The following TBC1D31 variants were observed in gnomAD, a reference collection of about 807,000 sequenced individuals.
TBC1D31 encodes the protein WD repeat domain 67.
Under a neutral mutation model 132.9 loss-of-function variants are expected in TBC1D31, and 99 were observed. That is an observed-to-expected ratio of 0.74 (90% CI 0.63 to 0.88). TBC1D31 has a LOEUF of 0.88. Among genes scored for constraint, TBC1D31 ranks in the 40% least tolerant of loss-of-function variants. The pLI is 0.00. For synonymous variants in TBC1D31, 385 were observed against 419.4 expected (o/e 0.92, Z 1.00); for missense variants, 1,134 against 1,256.6 (o/e 0.90, Z 1.48).
rs1173654644 is a variant in TBC1D31, at chr8:123,082,708, T to C, written c.231T>C (p.Asn77=). 1 of 1,606,114 alleles carries C rather than the reference T, an allele frequency of 6.2e-7. No individual in the cohort carries two copies. The highest frequency in any genetic ancestry group is 1.7e-5 in the Admixed American group (1 of 59,234). ...TGCAATGATCTCTTAATAGGTTCAA[T>C]CTTGTTCAGCGAACAGCACAAGCTT... ...YVFDLHGNRF[N]LVQRTAQACT... Residue 77 remains asparagine, a synonymous_variant, in exon 3 of 22, where the codon AAT becomes AAC. Coordinates refer to ENST00000287380, the MANE Select transcript of TBC1D31 (RefSeq NM_145647.4).
chr8:123,086,719 T>C (rs1228200994), intron 4 of TBC1D31, among the ~76,000 whole-genome samples: 1 of 141,122 alleles, frequency 7.1e-6, no homozygotes, highest in African/African-American at 2.6e-5. Flanking sequence ...CTCCCTGTTC[T>C]TTTTTTTTTT....
At chr8:123,111,982 T>C (rs936835918) in intron 10 of TBC1D31, among the ~76,000 whole-genome samples, 22 of 152,188 alleles carry the variant, frequency 1.4e-4, no homozygotes, top group Admixed American at 6.5e-4. Flanking sequence ...GCCTCCCAAG[T>C]AGCTGCTACA....
intron 6 of TBC1D31, 149 bp downstream of exon 6, chr8:123,097,590 T>TCTG: frequency 1.1e-6 from 1 of 936,948 alleles, no homozygotes. Flanking sequence ...GAGTCTAGGA[T>TCTG]TGAAAAAAAT....
chr8:123,131,363 C>CAAAAAA (rs59929988), intron 16 of TBC1D31, among the ~76,000 whole-genome samples: 2 of 64,910 alleles, frequency 3.1e-5, no homozygotes, highest in African/African-American at 5.7e-5. Flanking sequence ...GACTCAGTCT[C>CAAAAAA]AAAAAAAAAA....
At position 123,142,156 on chromosome 8, in the gene TBC1D31, A is replaced by C. The variant is rs945094219; in HGVS notation, c.2641-106A>C. ...CCAGGTGATTCTAATATGCAGCCAG[A>C]GTTGTGAACAACTGCCCCAGACACT... On this transcript the variant is annotated intron_variant, in intron 18 of 21. Transcript: ENST00000287380. The C allele has an allele frequency of 1.4e-4, 101 of 717,986 alleles. No homozygotes were observed. In the East Asian group the frequency reaches 3.1e-3, roughly 22 times the overall value. The allele number at this position is 717,986 out of a possible 1,614,324, so 44.5% of individuals were successfully genotyped here.
intron 4 of TBC1D31, among the ~76,000 whole-genome samples, chr8:123,089,314 A>C (rs1241989842): frequency 6.6e-6 from 1 of 152,214 alleles, no homozygotes; most frequent in South Asian, 2.1e-4. Context: ...GTGATAATCT[A>C]TGCAAAGTTA....
chr8:123,097,261 C>T (rs764731479), intron 5 of TBC1D31, 21 bp from the exon 6 acceptor site: 11 of 1,608,922 alleles, frequency 6.8e-6, no homozygotes, highest in Admixed American at 3.4e-5. Context: ...GTTTTTCTTT[C>T]TCACTTTTTT....
Position 123,144,796 on chromosome 8 carries a change from G to C in TBC1D31, c.2915G>C (p.Trp972Ser), listed in dbSNP as rs1200785901. The change falls in exon 20 of 22, where the codon TGG (tryptophan) becomes TCG (serine). Residue 972 changes from tryptophan (W) to serine (S), a missense_variant. Physicochemically the swap from Trp to Ser is radical, Grantham distance 177 (BLOSUM62 -3). Transcript: ENST00000287380. ...ASALSDASRK[W>S]FLKQEINAAV... ...GCTCTTTCAGATGCGTCTAGAAAGT[G>C]GTTTTTAAAGCAAGAGATAAATGCG... is the stretch of plus-strand genomic sequence containing the variant. 2.5e-6 allele frequency: 4 copies of C among 1,613,786 alleles called. No homozygotes were observed.
intron 15 of TBC1D31, among the ~76,000 whole-genome samples, chr8:123,129,902 G>A (rs1202520440): frequency 6.6e-6 from 1 of 152,202 alleles, no homozygotes; most frequent in Non-Finnish European, 1.5e-5. Flanking sequence ...AAGCCCAATA[G>A]TTGGGAAACT....
At chr8:123,123,296 G>A (rs1442330446) in intron 11 of TBC1D31, 2 of 155,330 alleles carry the variant, frequency 1.3e-5, no homozygotes, top group Non-Finnish European at 2.9e-5. Context: ...ACATGGCAAA[G>A]GCAGATTAAG....
In TBC1D31 at chr8:123,100,877, A is replaced by T. The variant is rs760089946; in HGVS notation, c.902A>T (p.Glu301Val). 6.2e-7 allele frequency: 1 copy of T among 1,613,970 alleles called. No individual in the cohort carries two copies. The highest frequency in any genetic ancestry group is 8.5e-7 in the Non-Finnish European group (1 of 1,179,936). Residue 301 changes from glutamate to valine, a missense_variant, in exon 7 of 22, where the codon GAG becomes GTG. By Grantham distance (121) the Glu-to-Val change is moderately radical (BLOSUM62 -2). Transcript: ENST00000287380. ...ATGCAGACTTGTAAACTTCTCTTTG[A>T]GATTGGGAGCCTCGATGAAGGAATT... ...INMQTCKLLF[E>V]IGSLDEGISS...
At chr8:123,121,719 A>T (rs1336443646) in intron 11 of TBC1D31, among the ~76,000 whole-genome samples, 1 of 152,114 alleles carries the variant, frequency 6.6e-6, no homozygotes, top group East Asian at 1.9e-4. Context: ...AATCAATTCA[A>T]CCCTTTTCTT....
At chr8:123,159,472 T>A in the TBC1D31 span, among the ~76,000 whole-genome samples, 1 of 152,080 alleles carries the variant, frequency 6.6e-6, no homozygotes, top group South Asian at 2.1e-4. Context: ...GGGGTAGATG[T>A]TTATATTTGC....
chr8:123,162,956 C>T, the TBC1D31 span, among the ~76,000 whole-genome samples: 1 of 152,056 alleles, frequency 6.6e-6, no homozygotes, highest in Admixed American at 6.6e-5. Context: ...CCTCAGCCTC[C>T]TGAGTAGCTG....
chr8:123,131,363 CAAA>C (rs59929988), intron 16 of TBC1D31, among the ~76,000 whole-genome samples: 2 of 64,906 alleles, frequency 3.1e-5, no homozygotes, highest in Non-Finnish European at 5.8e-5. Context: ...GACTCAGTCT[CAAA>C]AAAAAAAAAA....
intron 20 of TBC1D31, 27 bp from the exon 21 acceptor site, chr8:123,150,009 A>T (rs754238522): frequency 1.1e-5 from 17 of 1,570,012 alleles, no homozygotes; most frequent in Non-Finnish European, 1.5e-5. Flanking sequence ...CCCAAACATC[A>T]TCTTAATCTC....
chr8:123,102,733 T>C (rs1176623824), intron 7 of TBC1D31: 1 of 156,936 alleles, frequency 6.4e-6, no homozygotes, highest in Non-Finnish European at 1.4e-5. Context: ...TGAAGTCAAA[T>C]GAGGCAACAC....
chr8:123,114,838 TTAACAAGAATGGAATCA>T (rs1271528793), intron 10 of TBC1D31, among the ~76,000 whole-genome samples: 1 of 152,298 alleles, frequency 6.6e-6, no homozygotes, highest in Non-Finnish European at 1.5e-5. Flanking sequence ...TCACATACAT[TTAACAAGAATGGAATCA>T]TACTATACAT....
At position 123,097,330 on chromosome 8, in the gene TBC1D31, G is replaced by C; in HGVS notation, c.720G>C (p.Leu240Phe). The C allele has an allele frequency of 6.2e-7, 1 of 1,614,130 alleles. No individual in the cohort carries two copies. Among genetic ancestry groups the C allele is most frequent in the Admixed American group, 1.7e-5 (1 of 60,018 alleles). Reference sequence around the variant, plus strand: ...GAGGCAAGTCAAATCATCTTCATTTGTGGTGCTTGGAAGCTAGGCAGCTCT... The same window carrying C: ...GAGGCAAGTCAAATCATCTTCATTTCTGGTGCTTGGAAGCTAGGCAGCTCT... ...AAGGKSNHLH[L>F]WCLEARQLFR... is the part of the protein sequence containing the mutation. Residue 240 changes from leucine (L) to phenylalanine (F), a missense_variant, in exon 6 of 22, where the codon TTG (leucine) becomes TTC (phenylalanine). Transcript: ENST00000287380.
Sources: gnomAD v4.1 joint callset for allele counts (sites outside exome capture counted in the v4.1 genomes callset) on GRCh38, gnomAD v4.1.1 for gene constraint, MANE v1.5 for transcripts, NCBI Gene and HGNC (gene_info 2026-07-23, HGNC 2026-07-21) for gene names.